The following PDE1C variants were observed in gnomAD, a reference collection of about 807,000 sequenced individuals.
The protein encoded by PDE1C is dual specificity calcium/calmodulin-dependent 3',5'-cyclic nucleotide phosphodiesterase 1C.
A neutral mutation model predicts 93.1 loss-of-function variants in PDE1C; 62 were observed. That is an observed-to-expected ratio of 0.67 (90% CI 0.54 to 0.82). The LOEUF is 0.82. PDE1C is among the 40% of genes least tolerant of loss of function. The pLI is 0.00. For missense variants in PDE1C, 742 were observed against 884.6 expected, an observed-to-expected ratio of 0.84 and a Z score of 2.04; for synonymous variants, 325 against 310.1, an observed-to-expected ratio of 1.05 and a Z score of -0.50.
At chr7:32,056,792 CA>C (rs149313755) in intron 1 of PDE1C, among the ~76,000 whole-genome samples, 5 of 151,722 alleles carry the variant, frequency 3.3e-5, no homozygotes, top group South Asian at 4.2e-4. Context: ...TTAAAAGTCA[CA>C]AAAAAAAGGT....
chr7:31,627,630 A>G, the PDE1C span, among the ~76,000 whole-genome samples: 1 of 140,802 alleles, frequency 7.1e-6, no homozygotes, highest in African/African-American at 2.6e-5. Context: ...ACTGCAATCC[A>G]GCCTGAGCAA....
At chr7:31,738,360 G>C in the PDE1C span, among the ~76,000 whole-genome samples, 11 of 152,330 alleles carry the variant, frequency 7.2e-5, 1 homozygote, top group South Asian at 1.7e-3. Flanking sequence ...TGAGGAGCAA[G>C]TCACATCTTC....
chr7:32,081,159 T>G (rs1321214804), intron 3 of PDE1C, among the ~76,000 whole-genome samples: 1 of 152,220 alleles, frequency 6.6e-6, no homozygotes, highest in African/African-American at 2.4e-5. Context: ...TAGCTAAATG[T>G]AAATGAAGAA....
chr7:32,029,516 A>C (rs1313102553), intron 2 of PDE1C, among the ~76,000 whole-genome samples: 1 of 152,134 alleles, frequency 6.6e-6, no homozygotes, highest in Non-Finnish European at 1.5e-5. Context: ...ATCAAGAAAT[A>C]ATAGGTGCAA....
At chr7:31,668,656 G>A in the PDE1C span, among the ~76,000 whole-genome samples, 10 of 152,252 alleles carry the variant, frequency 6.6e-5, no homozygotes, top group African/African-American at 9.6e-5. Flanking sequence ...GTGGCTTAGC[G>A]GTTGTCTACG....
chr7:32,372,920 A>C (rs1194965990), intron 1 of PDE1C, among the ~76,000 whole-genome samples: 1 of 152,268 alleles, frequency 6.6e-6, no homozygotes, highest in Non-Finnish European at 1.5e-5. Context: ...ATACCACTGC[A>C]TATCCACAAA....
intron 2 of PDE1C, among the ~76,000 whole-genome samples, chr7:31,934,033 C>G (rs1283280579): frequency 6.6e-6 from 1 of 152,182 alleles, no homozygotes; most frequent in African/African-American, 2.4e-5. Flanking sequence ...CGCTATTCCA[C>G]TTCATGCTTT....
intron 1 of PDE1C, among the ~76,000 whole-genome samples, chr7:32,226,884 C>G (rs1250125652): frequency 2.0e-5 from 3 of 152,184 alleles, no homozygotes; most frequent in African/African-American, 7.2e-5. Flanking sequence ...CCAGCCAACA[C>G]TGCAGCTCTG....
rs149917274 is a variant in PDE1C at position 32,298,341 on chromosome 7, C to T, written c.85+310G>A. Among the ~76,000 whole-genome samples the T allele has an allele frequency of 5.8e-3, 886 of 152,254 alleles. 8 individuals carry two copies. Among genetic ancestry groups the T allele is most frequent in the Non-Finnish European group, 6.6e-3 (449 of 68,018 alleles). On this transcript the variant is annotated intron_variant, in intron 1 of 18. Coordinates refer to the PDE1C transcript ENST00000396193. ...CAGCGTCTCCAGCCCTATTTCCACCCCTCCTTTCCCCCGGCCTGCCTTATT... is the reference window on the plus strand; with the variant it reads ...CAGCGTCTCCAGCCCTATTTCCACCTCTCCTTTCCCCCGGCCTGCCTTATT...
At chr7:31,620,172 G>A in the PDE1C span, among the ~76,000 whole-genome samples, 83,373 of 152,006 alleles carry the variant, frequency 0.55, 23,348 homozygotes, top group East Asian at 0.83. Context: ...CTCCACCTCT[G>A]GGGGCAGGGC....
At chr7:32,386,061 T>A (rs1380319456) in intron 1 of PDE1C, among the ~76,000 whole-genome samples, 1 of 149,576 alleles carries the variant, frequency 6.7e-6, no homozygotes, top group Admixed American at 6.8e-5. Flanking sequence ...CCTTCCACTC[T>A]TTCCTTTGTC....
chr7:32,092,105 C>T (rs1426566796), intron 3 of PDE1C, among the ~76,000 whole-genome samples: 2 of 151,774 alleles, frequency 1.3e-5, no homozygotes, highest in Non-Finnish European at 2.9e-5. Flanking sequence ...GGCTCCAAGG[C>T]CAATCTGAGA....
chr7:32,327,851 G>C (rs1007428089), intron 1 of PDE1C, among the ~76,000 whole-genome samples: 1 of 150,114 alleles, frequency 6.7e-6, no homozygotes, highest in African/African-American at 2.4e-5. Flanking sequence ...TTCTGTTTCT[G>C]AGATTCATCC....
intron 9 of PDE1C, among the ~76,000 whole-genome samples, chr7:31,839,585 C>A (rs148348919): frequency 6.6e-6 from 1 of 152,096 alleles, no homozygotes; most frequent in Non-Finnish European, 1.5e-5. Flanking sequence ...TACTAGCTAA[C>A]GGACATTCAA....
chr7:32,249,352 G>A (rs1276381852), intron 1 of PDE1C, among the ~76,000 whole-genome samples: 2 of 151,880 alleles, frequency 1.3e-5, no homozygotes, highest in Non-Finnish European at 2.9e-5. Context: ...GCAAGCAGAA[G>A]CATGCATCTA....
At chr7:31,941,429 G>GT (rs1338214300) in intron 2 of PDE1C, 1 of 159,374 alleles carries the variant, frequency 6.3e-6, no homozygotes, top group African/African-American at 2.4e-5. Flanking sequence ...AGCCACAGAA[G>GT]TTTCTGTGGA....
chr7:31,687,345 T>C, the PDE1C span: 9 of 152,264 alleles, frequency 5.9e-5, no homozygotes, highest in African/African-American at 1.9e-4. Context: ...ACTTTTGTGG[T>C]GAGAAAAGCA....
At chr7:32,364,839 C>T (rs1344754179) in intron 1 of PDE1C, among the ~76,000 whole-genome samples, 1 of 152,232 alleles carries the variant, frequency 6.6e-6, no homozygotes, top group African/African-American at 2.4e-5. Context: ...AATATCACAA[C>T]CCCAGCAGCA....
At chr7:32,113,707 C>G (rs1798817442) in intron 3 of PDE1C, among the ~76,000 whole-genome samples, 1 of 152,052 alleles carries the variant, frequency 6.6e-6, no homozygotes, top group Non-Finnish European at 1.5e-5. Flanking sequence ...TTTTTCCCTA[C>G]TCAGATGGTA....
Sources: allele counts gnomAD v4.1 joint callset (sites outside exome capture counted in the v4.1 genomes callset), GRCh38; gene constraint gnomAD v4.1.1; transcripts MANE v1.5; gene names NCBI Gene and HGNC (gene_info 2026-07-23, HGNC 2026-07-21).